Variants in UNC5D observed in about 807,000 individuals in gnomAD.
The protein encoded by UNC5D is unc-5 netrin receptor D, also known as netrin receptor UNC5D.
Under a neutral mutation model 105.4 loss-of-function variants are expected in UNC5D, and 39 were observed. The ratio of observed to expected loss-of-function variants is 0.37; its 90% CI spans 0.29 to 0.48. The LOEUF is 0.48. UNC5D is among the 20% of genes least tolerant of loss of function. The pLI is 0.98. For synonymous variants in UNC5D, 452 were observed against 450.4 expected (o/e 1.00, Z -0.04); for missense variants, 991 against 1,202.4 (o/e 0.82, Z 2.60).
At chr8:35,451,966 C>A (rs1020021090) in intron 1 of UNC5D, among the ~76,000 whole-genome samples, 1 of 152,150 alleles carries the variant, frequency 6.6e-6, no homozygotes, top group Non-Finnish European at 1.5e-5. Flanking sequence ...TTTCTTCATT[C>A]CCATGCCTAG....
intron 1 of UNC5D, among the ~76,000 whole-genome samples, chr8:35,337,201 T>C (rs1811109410): frequency 6.6e-6 from 1 of 152,182 alleles, no homozygotes; most frequent in African/African-American, 2.4e-5. Context: ...GTCTTCGATA[T>C]ATTTGTGTCC....
chr8:35,561,601 C>G (rs1034392453), intron 2 of UNC5D, among the ~76,000 whole-genome samples: 3 of 152,070 alleles, frequency 2.0e-5, no homozygotes, highest in Admixed American at 6.6e-5. Context: ...TTTGGACATT[C>G]ACTACTTTAT....
At chr8:35,628,306 G>A (rs1821817342) in intron 4 of UNC5D, among the ~76,000 whole-genome samples, 1 of 151,906 alleles carries the variant, frequency 6.6e-6, no homozygotes, top group East Asian at 1.9e-4. Flanking sequence ...GCCAATTTTT[G>A]TATTTTTATT....
At chr8:35,579,297 G>A (rs1818319355) in intron 3 of UNC5D, among the ~76,000 whole-genome samples, 1 of 152,154 alleles carries the variant, frequency 6.6e-6, no homozygotes, top group Non-Finnish European at 1.5e-5. Context: ...AGTGGTGAAA[G>A]AATACTAACT....
intron 12 of UNC5D, 97 bp from the exon 13 acceptor site, chr8:35,750,485 T>A: frequency 7.7e-7 from 1 of 1,305,764 alleles, no homozygotes; most frequent in Non-Finnish European, 1.1e-6. Flanking sequence ...TGAAAACAAA[T>A]TTATATTTGT....
intron 1 of UNC5D, among the ~76,000 whole-genome samples, chr8:35,520,594 A>G (rs1057205559): frequency 1.3e-5 from 2 of 152,180 alleles, no homozygotes; most frequent in South Asian, 2.1e-4. Flanking sequence ...ATAAGATGCA[A>G]TCAGAAGAAT....
intron 1 of UNC5D, among the ~76,000 whole-genome samples, chr8:35,374,350 A>G (rs1021791610): frequency 8.5e-5 from 13 of 152,196 alleles, no homozygotes; most frequent in African/African-American, 2.9e-4. Context: ...AGAAATGTTA[A>G]TGAGAATGAG....
intron 3 of UNC5D, among the ~76,000 whole-genome samples, chr8:35,572,964 C>A (rs1254417697): frequency 2.0e-5 from 3 of 152,106 alleles, no homozygotes; most frequent in African/African-American, 4.8e-5. Context: ...CCACCACGCC[C>A]GGCTAATTTT....
At chr8:35,565,154 G>A (rs1817248395) in intron 2 of UNC5D, among the ~76,000 whole-genome samples, 1 of 152,078 alleles carries the variant, frequency 6.6e-6, no homozygotes, top group African/African-American at 2.4e-5. Flanking sequence ...TTAGTCTTTT[G>A]AGAAATCTCC....
intron 1 of UNC5D, among the ~76,000 whole-genome samples, chr8:35,469,513 G>A (rs1167049199): frequency 1.3e-5 from 2 of 152,076 alleles, no homozygotes; most frequent in Non-Finnish European, 2.9e-5. Flanking sequence ...GTGGGGAAAG[G>A]GACCGTATAG....
intron 8 of UNC5D, among the ~76,000 whole-genome samples, chr8:35,709,308 T>TA (rs1827792268): frequency 6.6e-6 from 1 of 152,158 alleles, no homozygotes; most frequent in Non-Finnish European, 1.5e-5. Context: ...TATTAAGTGT[T>TA]ATGAAGAGAA....
chr8:35,447,093 C>T (rs927323160), intron 1 of UNC5D, among the ~76,000 whole-genome samples: 2 of 151,998 alleles, frequency 1.3e-5, no homozygotes, highest in Admixed American at 6.6e-5. Flanking sequence ...TATGGTTTTA[C>T]GTGTTCTCCC....
intron 11 of UNC5D, among the ~76,000 whole-genome samples, chr8:35,747,736 G>A (rs187505875): frequency 6.6e-6 from 1 of 152,286 alleles, no homozygotes; most frequent in East Asian, 1.9e-4. Flanking sequence ...ACGTGAAAGA[G>A]GGAGGCATTC....
At chr8:35,491,428 GA>G (rs1367054944) in intron 1 of UNC5D, among the ~76,000 whole-genome samples, 1 of 152,104 alleles carries the variant, frequency 6.6e-6, no homozygotes, top group Non-Finnish European at 1.5e-5. Flanking sequence ...GCTTACACAA[GA>G]AATGCCATTA....
intron 3 of UNC5D, among the ~76,000 whole-genome samples, chr8:35,580,381 AT>A (rs1373374261): frequency 6.6e-6 from 1 of 152,002 alleles, no homozygotes; most frequent in African/African-American, 2.4e-5. Context: ...AACTAGCTAC[AT>A]TTTTTTCTGT....
chr8:35,480,499 C>A (rs1225255686), intron 1 of UNC5D, among the ~76,000 whole-genome samples: 1 of 152,014 alleles, frequency 6.6e-6, no homozygotes, highest in African/African-American at 2.4e-5. Context: ...ATGAGTTTTC[C>A]TGGCAGAAAG....
chr8:35,551,308 G>A (rs1229529789), intron 2 of UNC5D, among the ~76,000 whole-genome samples: 1 of 152,186 alleles, frequency 6.6e-6, no homozygotes, highest in African/African-American at 2.4e-5. Context: ...AGCTAAATTT[G>A]AGGTGCTTAT....
chr8:35,413,775 G>C (rs999124261), intron 1 of UNC5D, among the ~76,000 whole-genome samples: 1 of 152,112 alleles, frequency 6.6e-6, no homozygotes, highest in Non-Finnish European at 1.5e-5. Context: ...AGAAATCACA[G>C]AAAGTGGATG....
chr8:35,585,061 A>G (rs1046165505), intron 3 of UNC5D, among the ~76,000 whole-genome samples: 2 of 152,202 alleles, frequency 1.3e-5, no homozygotes, highest in South Asian at 2.1e-4. Context: ...TCTACTCAGC[A>G]TAATATGTCC....
Sources: gnomAD v4.1 joint callset for allele counts (sites outside exome capture counted in the v4.1 genomes callset) on GRCh38, gnomAD v4.1.1 for gene constraint, MANE v1.5 for transcripts, NCBI Gene and HGNC (gene_info 2026-07-23, HGNC 2026-07-21) for gene names.